The following SDK1 variants were observed in gnomAD, a reference collection of about 807,000 sequenced individuals.
SDK1 encodes the protein protein sidekick-1.
In SDK1, 157 loss-of-function variants were observed where a neutral mutation model predicts 245.5. The ratio of observed to expected loss-of-function variants is 0.64; its 90% CI spans 0.56 to 0.73. SDK1 has a LOEUF of 0.73. SDK1 is among the 30% of genes least tolerant of loss of function. SDK1 has a pLI of 0.00. For missense variants in SDK1, 3,583 were observed against 3,002.3 expected, an observed-to-expected ratio of 1.19 and a Z score of -4.52; for synonymous variants, 1,647 against 1,278.5, an observed-to-expected ratio of 1.29 and a Z score of -6.15.
rs114648476 is a variant in SDK1, at chr7:3,468,734, T to A, written c.299-150346T>A. Among the ~76,000 whole-genome samples the A allele has an allele frequency of 5.8e-3, 889 of 152,296 alleles. 8 individuals are homozygous for A. Among genetic ancestry groups the A allele is most frequent in the African/African-American group, 0.02 (824 of 41,564 alleles). On this transcript the variant is annotated intron_variant, in intron 1 of 44. Coordinates refer to ENST00000404826, the MANE Select transcript of SDK1 (RefSeq NM_152744.4). ...ATTAGATCGTACTGTCTCTGTTCAATAGTATTTCTTGAGTGTTGTCCGTAT... is the reference window on the plus strand; with the variant it reads ...ATTAGATCGTACTGTCTCTGTTCAAAAGTATTTCTTGAGTGTTGTCCGTAT...
At chr7:3,886,047 G>A (rs538959747) in intron 5 of SDK1, among the ~76,000 whole-genome samples, 4 of 152,190 alleles carry the variant, frequency 2.6e-5, no homozygotes, top group Non-Finnish European at 5.9e-5. Context: ...GGAAGGGAAG[G>A]CAGCAGATCG....
At chr7:3,339,042 A>G (rs1289696773) in intron 1 of SDK1, among the ~76,000 whole-genome samples, 3 of 152,244 alleles carry the variant, frequency 2.0e-5, no homozygotes, top group Non-Finnish European at 4.4e-5. Context: ...GAAAACATCC[A>G]AAACTGTGTT....
At chr7:4,038,560 T>G (rs758997519) in intron 17 of SDK1, among the ~76,000 whole-genome samples, 1 of 152,226 alleles carries the variant, frequency 6.6e-6, no homozygotes, top group Non-Finnish European at 1.5e-5. Flanking sequence ...CATCCATGCA[T>G]CTTCTAATGG....
At chr7:3,402,860 T>A (rs1246879246) in intron 1 of SDK1, among the ~76,000 whole-genome samples, 2 of 152,232 alleles carry the variant, frequency 1.3e-5, no homozygotes, top group African/African-American at 4.8e-5. Context: ...CTTATATAAA[T>A]GTGATAGCTT....
intron 17 of SDK1, among the ~76,000 whole-genome samples, chr7:4,033,551 G>A (rs1162720336): frequency 6.6e-6 from 1 of 152,124 alleles, no homozygotes; most frequent in Non-Finnish European, 1.5e-5. Flanking sequence ...CAAATTGGGG[G>A]AAATCTTTGC....
At chr7:3,655,069 T>A (rs1354973973) in intron 4 of SDK1, among the ~76,000 whole-genome samples, 1 of 151,298 alleles carries the variant, frequency 6.6e-6, no homozygotes, top group East Asian at 1.9e-4. Context: ...TTTTGGCTCT[T>A]AAATCTGTAC....
intron 1 of SDK1, among the ~76,000 whole-genome samples, chr7:3,320,310 C>T (rs1779771518): frequency 6.6e-6 from 1 of 151,534 alleles, no homozygotes; most frequent in Admixed American, 6.6e-5. Context: ...TGTAAGTTCT[C>T]ATATTATACA....
At chr7:3,922,508 A>G (rs1345517064) in intron 5 of SDK1, among the ~76,000 whole-genome samples, 2 of 152,246 alleles carry the variant, frequency 1.3e-5, no homozygotes, top group East Asian at 3.8e-4. Flanking sequence ...TTGAGAAATG[A>G]GTATGGCCAG....
chr7:3,323,186 A>G (rs370754910), intron 1 of SDK1, among the ~76,000 whole-genome samples: 75 of 152,074 alleles, frequency 4.9e-4, no homozygotes, highest in Non-Finnish European at 8.2e-4. Flanking sequence ...GGGCCAGGCA[A>G]ATTCCAACTC....
intron 4 of SDK1, among the ~76,000 whole-genome samples, chr7:3,783,331 T>C (rs1780803886): frequency 6.6e-6 from 1 of 152,130 alleles, no homozygotes; most frequent in South Asian, 2.1e-4. Flanking sequence ...CACTTATATT[T>C]AACATAGCAT....
chr7:3,778,546 G>A (rs1341047999), intron 4 of SDK1, among the ~76,000 whole-genome samples: 3 of 152,216 alleles, frequency 2.0e-5, no homozygotes, highest in African/African-American at 4.8e-5. Flanking sequence ...TGACCAGGCT[G>A]CCTGCACACA....
At chr7:3,536,080 G>A (rs933659890) in intron 1 of SDK1, among the ~76,000 whole-genome samples, 17 of 149,050 alleles carry the variant, frequency 1.1e-4, no homozygotes, top group Non-Finnish European at 2.1e-4. Context: ...TTTCTTAGAC[G>A]GAGTCTCACT....
At chr7:4,187,941 TC>T in intron 35 of SDK1, among the ~76,000 whole-genome samples, 1 of 152,292 alleles carries the variant, frequency 6.6e-6, no homozygotes, top group Middle Eastern at 3.4e-3. Context: ...GACTCCCAGT[TC>T]CACGTGGCTG....
intron 28 of SDK1, among the ~76,000 whole-genome samples, chr7:4,142,996 T>A (rs1005971678): frequency 2.0e-5 from 3 of 151,998 alleles, no homozygotes; most frequent in Admixed American, 2.0e-4. Context: ...AGCAGGACAT[T>A]GTTGGGGAAT....
At chr7:3,833,540 A>G (rs1779961637) in intron 5 of SDK1, among the ~76,000 whole-genome samples, 1 of 152,120 alleles carries the variant, frequency 6.6e-6, no homozygotes, top group African/African-American at 2.4e-5. Context: ...TCAGATTTAT[A>G]TATATCAGAG....
intron 4 of SDK1, among the ~76,000 whole-genome samples, chr7:3,722,209 C>T (rs1198796972): frequency 2.0e-5 from 3 of 152,024 alleles, no homozygotes; most frequent in Non-Finnish European, 4.4e-5. Context: ...CTAAGATTGG[C>T]CCATAAAGAA....
rs74536296 is a variant in SDK1, at chr7:3,955,443, A to G, written c.1151-3488A>G. Among the ~76,000 whole-genome samples the G allele has an allele frequency of 1.6e-4, 25 of 152,264 alleles. No individual in the cohort carries two copies. In the East Asian group the frequency reaches 4.6e-3, roughly 28 times the overall value. On this transcript the variant is annotated intron_variant, in intron 7 of 44. Transcript: ENST00000404826. The stretch of plus-strand genomic sequence containing the variant: ...CCAGCGAATCCAAGAGAGTCTCCCT[A>G]TTTTAAGGTGGGATACCTAATCCCA...
chr7:3,930,918 C>A (rs1779953785), intron 5 of SDK1, among the ~76,000 whole-genome samples: 1 of 152,196 alleles, frequency 6.6e-6, no homozygotes, highest in African/African-American at 2.4e-5. Flanking sequence ...TCAGTTAGAA[C>A]ATCTTATCTA....
rs565694608 is a variant in SDK1 at position 3,483,305 on chromosome 7, A to T, written c.299-135775A>T. On this transcript the variant is annotated intron_variant, in intron 1 of 44. Transcript: ENST00000404826. ...AAGTTTTATAGTTGTCTTCATAAAG[A>T]TCTTGCCACCTTTTTTTAGTTTTAT... Among the ~76,000 whole-genome samples, 7 of 152,276 alleles carry T rather than the reference A, an allele frequency of 4.6e-5. No homozygotes were observed. In the South Asian group the frequency reaches 6.2e-4, roughly 14 times the overall value.
Sources: allele counts gnomAD v4.1 joint callset (sites outside exome capture counted in the v4.1 genomes callset), GRCh38; gene constraint gnomAD v4.1.1; transcripts MANE v1.5; gene names NCBI Gene and HGNC (gene_info 2026-07-23, HGNC 2026-07-21).